Variants in CCDC178 observed in about 807,000 individuals in gnomAD.
CCDC178 encodes coiled-coil domain-containing protein 178.
A neutral mutation model predicts 117.4 loss-of-function variants in CCDC178; 126 were observed. That is an observed-to-expected ratio of 1.07 (90% CI 0.93 to 1.24). CCDC178 has a LOEUF of 1.24. CCDC178 is among the 50% of genes most tolerant of loss of function. The pLI, the probability that CCDC178 is intolerant of heterozygous loss-of-function variation, is 0.00. For missense variants in CCDC178, 1,030 were observed against 986.9 expected (o/e 1.04, Z -0.59); for synonymous variants, 283 against 313.4 (o/e 0.90, Z 1.02).
chr18:33,267,370 A>T (rs1309969317), intron 12 of CCDC178, 73 bp from the exon 13 acceptor site: 18 of 838,998 alleles, frequency 2.1e-5, no homozygotes, highest in Non-Finnish European at 3.3e-5. Context: ...AAAATAAATT[A>T]ATCATGATAA....
chr18:33,170,709 A>T (rs1271027821), intron 20 of CCDC178, among the ~76,000 whole-genome samples: 1 of 152,200 alleles, frequency 6.6e-6, no homozygotes, highest in East Asian at 1.9e-4. Context: ...ATATTGTTAC[A>T]AAATTAATAT....
intron 20 of CCDC178, among the ~76,000 whole-genome samples, chr18:33,175,007 A>T (rs1330897174): frequency 6.6e-6 from 1 of 151,584 alleles, no homozygotes; most frequent in Non-Finnish European, 1.5e-5. Flanking sequence ...GGTGCCTGCT[A>T]CAACCCGGCT....
At chr18:33,271,092 G>A (rs867304383) in intron 12 of CCDC178, among the ~76,000 whole-genome samples, 21 of 150,974 alleles carry the variant, frequency 1.4e-4, no homozygotes, top group Admixed American at 2.0e-4. Context: ...GCAATTGCAG[G>A]GAAAATAGTT....
chr18:33,388,856 G>C (rs1041677318), intron 5 of CCDC178, among the ~76,000 whole-genome samples: 1 of 152,006 alleles, frequency 6.6e-6, no homozygotes, highest in Non-Finnish European at 1.5e-5. Flanking sequence ...GATGAAACTG[G>C]AAGCCATTAT....
chr18:33,102,773 C>A (rs1021674312), intron 20 of CCDC178, among the ~76,000 whole-genome samples: 1 of 151,760 alleles, frequency 6.6e-6, no homozygotes, highest in Non-Finnish European at 1.5e-5. Context: ...CTAATTTAAT[C>A]TTGGTATAGG....
At chr18:33,328,153 G>A (rs1427415487) in intron 10 of CCDC178, 1 of 288,164 alleles carries the variant, frequency 3.5e-6, no homozygotes, top group African/African-American at 2.8e-5. Context: ...CCAGGCTGGA[G>A]TGCAGTGGCG....
intron 21 of CCDC178, among the ~76,000 whole-genome samples, chr18:32,975,312 G>A (rs889910230): frequency 2.6e-5 from 4 of 152,136 alleles, no homozygotes; most frequent in Admixed American, 6.5e-5. Context: ...ACATCTCACT[G>A]CACTAAAGCA....
At chr18:33,305,822 C>T (rs1241312394) in intron 11 of CCDC178, among the ~76,000 whole-genome samples, 2 of 152,060 alleles carry the variant, frequency 1.3e-5, no homozygotes, top group African/African-American at 2.4e-5. Flanking sequence ...GGATGACATA[C>T]AGTCTGGAAA....
rs36227101 is a variant in CCDC178 at position 33,278,282 on chromosome 18, C to CATATATATATATAT, written c.1177-10999_1177-10986dup. On this transcript the variant is annotated intron_variant, in intron 12 of 22. Transcript: ENST00000383096. Reference sequence around the variant, plus strand: ...ACATACACATATATATACACAAATACATATATATATATATATATATATATA... The same window carrying CATATATATATATAT: ...ACATACACATATATATACACAAATACATATATATATATATATATATATATATATATATATATATA... 1.4e-5 allele frequency among the ~76,000 whole-genome samples: 2 copies of CATATATATATATAT among 141,386 alleles called. 1 individual carries two copies. Among genetic ancestry groups the CATATATATATATAT allele is most frequent in the African/African-American group, 5.2e-5 (2 of 38,226 alleles). 92.8% of individuals were successfully genotyped at this position (141,386 alleles called of 152,430 possible).
chr18:33,292,980 C>T (rs2062055236), intron 12 of CCDC178, among the ~76,000 whole-genome samples, 179 bp downstream of exon 12: 1 of 151,944 alleles, frequency 6.6e-6, no homozygotes, highest in Non-Finnish European at 1.5e-5. Context: ...ATAAATGGGT[C>T]CTGTTTCAAG....
chr18:33,089,938 T>C (rs1031409244), intron 21 of CCDC178, among the ~76,000 whole-genome samples: 4 of 152,192 alleles, frequency 2.6e-5, no homozygotes, highest in South Asian at 2.1e-4. Flanking sequence ...AAGTCTTAGA[T>C]TGGATTATTT....
At chr18:33,059,292 C>T (rs1418687398) in intron 21 of CCDC178, among the ~76,000 whole-genome samples, 1 of 152,026 alleles carries the variant, frequency 6.6e-6, no homozygotes. Context: ...TTCAAGACTC[C>T]CCGATTAGTA....
chr18:33,071,439 T>C (rs1207496586), intron 21 of CCDC178, among the ~76,000 whole-genome samples: 1 of 152,150 alleles, frequency 6.6e-6, no homozygotes, highest in Non-Finnish European at 1.5e-5. Flanking sequence ...TATTTGGTTA[T>C]CTGAGAAGAT....
At chr18:33,293,564 C>T (rs956983010) in intron 11 of CCDC178, among the ~76,000 whole-genome samples, 3 of 151,864 alleles carry the variant, frequency 2.0e-5, no homozygotes, top group African/African-American at 7.3e-5. Flanking sequence ...ACTTAGTAGG[C>T]GGAGATGGGA....
chr18:33,377,408 T>TTGA (rs1283946021), intron 5 of CCDC178, among the ~76,000 whole-genome samples: 1 of 143,976 alleles, frequency 6.9e-6, no homozygotes, highest in Non-Finnish European at 1.5e-5. Flanking sequence ...GTTTACTCTG[T>TTGA]TGATAGTTTC....
intron 17 of CCDC178, among the ~76,000 whole-genome samples, chr18:33,224,170 TA>T (rs2059272777): frequency 2.0e-5 from 3 of 152,252 alleles, no homozygotes; most frequent in South Asian, 4.1e-4. Context: ...ATGTCTCAAA[TA>T]AATATATGTA....
chr18:32,974,078 T>C (rs982899094), intron 22 of CCDC178, among the ~76,000 whole-genome samples: 2 of 152,136 alleles, frequency 1.3e-5, no homozygotes, highest in African/African-American at 4.8e-5. Context: ...AGTCTCAAGT[T>C]GCTTATCTTT....
intron 8 of CCDC178, 77 bp from the exon 9 acceptor site, chr18:33,346,488 G>A: frequency 1.5e-6 from 1 of 680,656 alleles, no homozygotes; most frequent in Non-Finnish European, 2.3e-6. Context: ...GGCCTTAGTT[G>A]TATTATTATA....
intron 2 of CCDC178, among the ~76,000 whole-genome samples, chr18:33,432,926 T>C (rs1200645211): frequency 6.6e-6 from 1 of 152,204 alleles, no homozygotes; most frequent in African/African-American, 2.4e-5. Context: ...GAGGTTTAAT[T>C]ATTGCCTTTG....
Sources: allele counts gnomAD v4.1 joint callset (sites outside exome capture counted in the v4.1 genomes callset), GRCh38; gene constraint gnomAD v4.1.1; transcripts MANE v1.5; gene names NCBI Gene and HGNC (gene_info 2026-07-23, HGNC 2026-07-21).